The following ABCD3 variants were observed in gnomAD, a reference collection of about 807,000 sequenced individuals.
ABCD3 encodes the protein ATP-binding cassette sub-family D member 3.
In ABCD3, 41 loss-of-function variants were observed where a neutral mutation model predicts 105.5. The ratio of observed to expected loss-of-function variants is 0.39; its 90% CI spans 0.30 to 0.50. The LOEUF (loss-of-function observed/expected upper bound fraction) is 0.50. ABCD3 is among the 20% of genes least tolerant of loss of function. The pLI is 0.84. For synonymous variants in ABCD3, 258 were observed against 269.0 expected (o/e 0.96, Z 0.40); for missense variants, 622 against 806.3 (o/e 0.77, Z 2.77).
chr1:94,506,917 G>T (rs1000951389), intron 21 of ABCD3, among the ~76,000 whole-genome samples: 2 of 151,230 alleles, frequency 1.3e-5, no homozygotes, highest in Non-Finnish European at 3.0e-5. Context: ...AGATACAAAA[G>T]ATATCTCATT....
chr1:94,475,107 A>C (rs562278519), intron 5 of ABCD3, 36 bp from the exon 6 acceptor site: 3 of 1,365,784 alleles, frequency 2.2e-6, no homozygotes, highest in Admixed American at 3.7e-5. Flanking sequence ...GCAGAAATGA[A>C]AAGCAAAACC....
chr1:94,422,336 A>T (rs1659291671), intron 1 of ABCD3, among the ~76,000 whole-genome samples: 3 of 152,144 alleles, frequency 2.0e-5, no homozygotes, highest in African/African-American at 7.2e-5. Context: ...CCTGTTGTAA[A>T]CTGCACATGT....
intron 16 of ABCD3, among the ~76,000 whole-genome samples, chr1:94,495,280 G>A (rs1649742707): frequency 1.3e-5 from 2 of 151,910 alleles, no homozygotes; most frequent in South Asian, 2.1e-4. Context: ...ATTATTTGGG[G>A]GGTATATTTT....
At chr1:94,396,984 AT>A in the ABCD3 span, among the ~76,000 whole-genome samples, 6 of 152,114 alleles carry the variant, frequency 3.9e-5, no homozygotes, top group Non-Finnish European at 8.8e-5. Flanking sequence ...TTATATTTAA[AT>A]TTTTTTAGGA....
At chr1:94,407,992 G>A in the ABCD3 span, among the ~76,000 whole-genome samples, 4 of 152,212 alleles carry the variant, frequency 2.6e-5, no homozygotes, top group South Asian at 2.1e-4. Flanking sequence ...CGGCAGAGCC[G>A]AATAGTGGTG....
At chr1:94,430,834 C>T (rs1659644242) in intron 1 of ABCD3, among the ~76,000 whole-genome samples, 1 of 152,044 alleles carries the variant, frequency 6.6e-6, no homozygotes, top group South Asian at 2.1e-4. Flanking sequence ...TTAAATATGA[C>T]TTTAATTTTA....
the ABCD3 span, among the ~76,000 whole-genome samples, chr1:94,411,391 C>G: frequency 6.6e-6 from 1 of 152,094 alleles, no homozygotes; most frequent in African/African-American, 2.4e-5. Flanking sequence ...AATCATTAGT[C>G]ATTAGGGAAG....
At chr1:94,473,704 G>A (rs1648596640) in intron 4 of ABCD3, 62 bp from the exon 5 acceptor site, 1 of 1,235,130 alleles carries the variant, frequency 8.1e-7, no homozygotes, top group East Asian at 2.3e-5. Flanking sequence ...CTTTACAGAA[G>A]TTTTCCTAGT....
At chr1:94,487,016 T>C (rs942674919) in intron 10 of ABCD3, among the ~76,000 whole-genome samples, 1 of 152,192 alleles carries the variant, frequency 6.6e-6, no homozygotes, top group Admixed American at 6.5e-5. Flanking sequence ...CAATGCGTGC[T>C]CATGTTAAAG....
At chr1:94,482,557 C>T (rs1649078760) in intron 9 of ABCD3, 1 of 152,674 alleles carries the variant, frequency 6.5e-6, no homozygotes, top group Non-Finnish European at 1.5e-5. Flanking sequence ...CACTGAACTT[C>T]TCTTCATCTA....
chr1:94,393,941 A>T, the ABCD3 span, among the ~76,000 whole-genome samples: 1 of 152,148 alleles, frequency 6.6e-6, no homozygotes, highest in Non-Finnish European at 1.5e-5. Flanking sequence ...CTCAAAACTG[A>T]ATGCCTTGTG....
At chr1:94,456,374 A>C (rs116169397) in intron 1 of ABCD3, among the ~76,000 whole-genome samples, 1,873 of 140,858 alleles carry the variant, frequency 0.013, 42 homozygotes, top group African/African-American at 0.047. Context: ...TCCCAGGTTC[A>C]AGCCAGTTCT....
intron 2 of ABCD3, among the ~76,000 whole-genome samples, chr1:94,462,024 G>T (rs1426083255): frequency 6.6e-6 from 1 of 152,136 alleles, no homozygotes; most frequent in African/African-American, 2.4e-5. Context: ...GGTGATTGAC[G>T]TATCAATAGG....
intron 16 of ABCD3, among the ~76,000 whole-genome samples, chr1:94,494,466 T>G (rs963533668): frequency 6.6e-6 from 1 of 152,216 alleles, no homozygotes; most frequent in Admixed American, 6.5e-5. Flanking sequence ...TATGTCTTTT[T>G]ATTGTTTTTC....
the ABCD3 span, among the ~76,000 whole-genome samples, chr1:94,410,258 T>A: frequency 6.6e-6 from 1 of 152,204 alleles, no homozygotes; most frequent in Non-Finnish European, 1.5e-5. Context: ...GTACTTTGAT[T>A]GTATATCCAG....
chr1:94,410,373 G>C, the ABCD3 span, among the ~76,000 whole-genome samples: 3 of 152,070 alleles, frequency 2.0e-5, no homozygotes, highest in African/African-American at 7.2e-5. Flanking sequence ...ATTCCTTTTA[G>C]GTGGGCTCTC....
At chr1:94,391,950 A>G in the ABCD3 span, among the ~76,000 whole-genome samples, 1 of 152,164 alleles carries the variant, frequency 6.6e-6, no homozygotes, top group Admixed American at 6.5e-5. Flanking sequence ...TTCATCTGCC[A>G]CACAGAAAAC....
chr1:94,432,264 G>T (rs768315956), intron 1 of ABCD3, among the ~76,000 whole-genome samples: 1 of 152,228 alleles, frequency 6.6e-6, no homozygotes, highest in Non-Finnish European at 1.5e-5. Context: ...CTGAGTATGA[G>T]TAGACCTGTG....
At chr1:94,478,340 T>C in intron 8 of ABCD3, 25 bp downstream of exon 8, 2 of 1,538,780 alleles carry the variant, frequency 1.3e-6, no homozygotes, top group African/African-American at 1.4e-5. Flanking sequence ...ATTTCAACTT[T>C]TAAATTGATA....
Sources: gnomAD v4.1 joint callset for allele counts (sites outside exome capture counted in the v4.1 genomes callset) on GRCh38, gnomAD v4.1.1 for gene constraint, MANE v1.5 for transcripts, NCBI Gene and HGNC (gene_info 2026-07-23, HGNC 2026-07-21) for gene names.